PKP4: variants seen among roughly 807,000 people sequenced by gnomAD.
PKP4 encodes plakophilin-4.
In PKP4, 90 loss-of-function variants were observed where a neutral mutation model predicts 145.1. The ratio of observed to expected loss-of-function variants is 0.62; its 90% confidence interval spans 0.52 to 0.74. The LOEUF (loss-of-function observed/expected upper bound fraction) is 0.74. PKP4 is among the 30% of genes least tolerant of loss of function. The pLI is 0.00. For synonymous variants in PKP4, 563 were observed against 577.2 expected, an observed-to-expected ratio of 0.98 and a Z score of 0.35; for missense variants, 1,340 against 1,482.7, an observed-to-expected ratio of 0.90 and a Z score of 1.58.
intron 7 of PKP4, among the ~76,000 whole-genome samples, chr2:158,626,917 ACTT>A (rs2052853112): frequency 1.3e-5 from 2 of 151,938 alleles, no homozygotes; most frequent in South Asian, 4.1e-4. Flanking sequence ...CCATTTTGTC[ACTT>A]CTTTTTATTT....
At chr2:158,514,665 G>A (rs2041795230) in intron 1 of PKP4, among the ~76,000 whole-genome samples, 2 of 152,180 alleles carry the variant, frequency 1.3e-5, no homozygotes, top group African/African-American at 4.8e-5. Context: ...ATTAGCCCGG[G>A]TGTGGTGGCT....
chr2:158,636,869 C>A (rs2053853011), intron 9 of PKP4, among the ~76,000 whole-genome samples: 1 of 152,148 alleles, frequency 6.6e-6, no homozygotes, highest in Non-Finnish European at 1.5e-5. Context: ...CTATGAGATT[C>A]TCCATCTCTT....
At chr2:158,663,519 C>A (rs1227859645) in intron 15 of PKP4, 74 bp downstream of exon 15, 1 of 1,308,158 alleles carries the variant, frequency 7.6e-7, no homozygotes, top group Non-Finnish European at 1.1e-6. Flanking sequence ...TATATATGTT[C>A]TGCCTCAGTC....
chr2:158,630,761 A>G (rs939664078), intron 7 of PKP4, among the ~76,000 whole-genome samples: 2 of 152,254 alleles, frequency 1.3e-5, no homozygotes, highest in Non-Finnish European at 2.9e-5. Context: ...ACCACTGCTC[A>G]TATAAAGCTT....
chr2:158,631,926 T>G lies in PKP4; in HGVS notation c.1327T>G (p.Tyr443Asp). 1 of 1,613,800 alleles carries G rather than the reference T, an allele frequency of 6.2e-7. No individual in the cohort carries two copies. The highest frequency in any genetic ancestry group is 8.5e-7 in the Non-Finnish European group (1 of 1,180,000). The part of the protein sequence containing the change: ...VELQGSQTAL[Y>D]RTGSVGIGNL... ...GCTCCAAGGATCGCAGACGGCGTTG[T>G]ATCGCACAGGTTCAGGTGGGCATCA... Residue 443 changes from tyrosine to aspartate, a missense_variant, in exon 8 of 22, where the codon TAT becomes GAT. Transcript: ENST00000389759.
chr2:158,462,574 G>C (rs1040197274), intron 1 of PKP4, among the ~76,000 whole-genome samples: 4 of 152,136 alleles, frequency 2.6e-5, no homozygotes, highest in Non-Finnish European at 4.4e-5. Context: ...TGAAGCACAT[G>C]TTTTCAAAGT....
chr2:158,487,102 A>G (rs1322834769), intron 1 of PKP4, among the ~76,000 whole-genome samples: 1 of 152,146 alleles, frequency 6.6e-6, no homozygotes, highest in Admixed American at 6.6e-5. Flanking sequence ...TGGGACAGAG[A>G]AGTAGTGGCC....
intron 1 of PKP4, among the ~76,000 whole-genome samples, chr2:158,470,597 T>C (rs891506038): frequency 1.2e-4 from 19 of 152,186 alleles, no homozygotes; most frequent in Non-Finnish European, 2.4e-4. Flanking sequence ...TGAAATATCA[T>C]AAACAACTAA....
intron 1 of PKP4, among the ~76,000 whole-genome samples, chr2:158,495,693 G>A (rs758465301): frequency 7.9e-5 from 12 of 151,690 alleles, no homozygotes; most frequent in Non-Finnish European, 1.8e-4. Flanking sequence ...AATTAGCTGG[G>A]CGTGGTAGTG....
At chr2:158,530,504 CTTTTTTTTTTTTTT>C (rs869120223) in intron 1 of PKP4, among the ~76,000 whole-genome samples, 4 of 92,150 alleles carry the variant, frequency 4.3e-5, no homozygotes, top group African/African-American at 1.3e-4. Context: ...CTCTTTCTTT[CTTTTTTTTTTTTTT>C]TTTTTTTTTT....
In PKP4 at chr2:158,457,158, A is replaced by ACCCCTCGGCGC. The variant is rs1330707951; in HGVS notation, c.-64_-54dup. 1.3e-5 allele frequency: 2 copies of ACCCCTCGGCGC among 149,534 alleles called. No homozygotes were observed. The highest frequency in any genetic ancestry group is 3.0e-5 in the Non-Finnish European group (2 of 67,432). The allele number at this position is 149,534 out of a possible 1,614,324, so 9.3% of individuals were successfully genotyped here. ...AATTTTTTCGGGTGCCGCAGCGGCG[A>ACCCCTCGGCGC]CCCCTCGGCGCCGATGTCCCTGATC... On this transcript the variant is annotated 5_prime_UTR_variant, in exon 1 of 22. Transcript: ENST00000389759.
intron 11 of PKP4, among the ~76,000 whole-genome samples, chr2:158,650,930 C>T (rs777538584): frequency 2.6e-5 from 4 of 152,182 alleles, no homozygotes; most frequent in Non-Finnish European, 4.4e-5. Flanking sequence ...TCAAGCCACA[C>T]CTATAGACCA....
At chr2:158,634,595 G>A (rs548801353) in intron 9 of PKP4, among the ~76,000 whole-genome samples, 2 of 152,206 alleles carry the variant, frequency 1.3e-5, no homozygotes, top group East Asian at 1.9e-4. Flanking sequence ...TAGCCTCTTG[G>A]AATTAAACAA....
intron 3 of PKP4, among the ~76,000 whole-genome samples, chr2:158,586,333 C>G (rs2048803657): frequency 1.3e-5 from 2 of 152,286 alleles, no homozygotes; most frequent in South Asian, 4.1e-4. Flanking sequence ...ACCCATCCTC[C>G]CAGTCTGTCA....
At chr2:158,522,213 A>C (rs1003031254) in intron 1 of PKP4, among the ~76,000 whole-genome samples, 1 of 152,232 alleles carries the variant, frequency 6.6e-6, no homozygotes, top group African/African-American at 2.4e-5. Flanking sequence ...AGAAAAATCC[A>C]GTATTTAGTT....
In PKP4 at chr2:158,484,832, T is replaced by C. The variant is rs150010388; in HGVS notation, c.-6+27614T>C. Among the ~76,000 whole-genome samples the C allele has an allele frequency of 5.0e-4, 76 of 152,332 alleles. 1 individual carries two copies. The East Asian group carries it at 0.011, about 22-fold the overall frequency. ...GTAAATGCTGAAAACTGCTCATAAG[T>C]GGGGTGCAAGCACAGCCCCATATGG... is the stretch of plus-strand genomic sequence containing the variant. On this transcript the variant is annotated intron_variant, in intron 1 of 21. Transcript: ENST00000389759.
chr2:158,618,533 G>C (rs114024000), intron 4 of PKP4, among the ~76,000 whole-genome samples: 2 of 152,040 alleles, frequency 1.3e-5, no homozygotes, highest in African/African-American at 2.4e-5. Context: ...TACTAATTTC[G>C]TGAAGTTTTA....
chr2:158,542,718 T>C (rs2044627411), intron 2 of PKP4, among the ~76,000 whole-genome samples: 1 of 152,142 alleles, frequency 6.6e-6, no homozygotes, highest in Non-Finnish European at 1.5e-5. Flanking sequence ...CCTTCATTGC[T>C]TTACTGGGCC....
intron 16 of PKP4, among the ~76,000 whole-genome samples, chr2:158,667,926 A>C (rs970517440): frequency 6.6e-6 from 1 of 152,220 alleles, no homozygotes; most frequent in Non-Finnish European, 1.5e-5. Flanking sequence ...AGAAGCATGT[A>C]TAATTTGGGC....
Sources: gnomAD v4.1 joint callset for allele counts (sites outside exome capture counted in the v4.1 genomes callset) on GRCh38, gnomAD v4.1.1 for gene constraint, MANE v1.5 for transcripts, NCBI Gene and HGNC (gene_info 2026-07-23, HGNC 2026-07-21) for gene names.